AKAP3: variants seen among roughly 807,000 people sequenced by gnomAD.
AKAP3 encodes A-kinase anchoring protein 3, also known as A-kinase anchor protein 3.
Under a neutral mutation model 57.2 loss-of-function variants are expected in AKAP3, and 27 were observed. The ratio of observed to expected loss-of-function variants is 0.47; its 90% CI spans 0.35 to 0.65. The LOEUF is 0.65. Among genes scored for constraint, AKAP3 ranks in the 30% least tolerant of loss-of-function variants. AKAP3 has a pLI of 0.01. For missense variants in AKAP3, 959 were observed against 1,040.0 expected, an observed-to-expected ratio of 0.92 and a Z score of 1.07; for synonymous variants, 334 against 392.3, an observed-to-expected ratio of 0.85 and a Z score of 1.76.
intron 4 of AKAP3, chr12:4,631,258 T>C (rs189896234): frequency 4.4e-6 from 3 of 688,508 alleles, no homozygotes; most frequent in East Asian, 5.4e-5. Flanking sequence ...TATAGAGTTA[T>C]ATTCTCTGCT....
intron 4 of AKAP3, among the ~76,000 whole-genome samples, chr12:4,629,584 C>T (rs184415403): frequency 1.7e-4 from 26 of 152,216 alleles, no homozygotes; most frequent in African/African-American, 5.3e-4. Context: ...CCATGACACA[C>T]GTTTACCTAT....
In AKAP3 at chr12:4,628,231, G is replaced by T; in HGVS notation, c.671C>A (p.Thr224Asn). 6.2e-7 allele frequency: 1 copy of T among 1,614,010 alleles called. No individual in the cohort carries two copies. Among genetic ancestry groups the T allele is most frequent in the Non-Finnish European group, 8.5e-7 (1 of 1,179,960 alleles). Residue 224 changes from threonine (T) to asparagine (N), a missense_variant, in exon 5 of 6, where the codon ACC becomes AAC. Physicochemically the swap from Thr to Asn is moderately conservative, Grantham distance 65 (BLOSUM62 0). Transcript: ENST00000228850. ...GTCATCTGGACCCTGTCTTTCTTTG[G>T]TGCTCTCCTTGATCTTCAAAGTGGA... ...YKSTLKIKES[T>N]KERQGPDDKP...
chr12:4,616,673 A>T (rs1484936095), intron 5 of AKAP3, among the ~76,000 whole-genome samples: 8 of 152,236 alleles, frequency 5.3e-5, no homozygotes, highest in Non-Finnish European at 1.2e-4. Flanking sequence ...ATAAAATAAA[A>T]ACCTGTCAGA....
intron 4 of AKAP3, among the ~76,000 whole-genome samples, chr12:4,629,908 G>A (rs921270152): frequency 6.6e-6 from 1 of 152,102 alleles, no homozygotes; most frequent in Non-Finnish European, 1.5e-5. Flanking sequence ...TATAATTCAG[G>A]AGTTAATATG....
chr12:4,642,497 A>T (rs1445252012), intron 2 of AKAP3, among the ~76,000 whole-genome samples: 1 of 152,216 alleles, frequency 6.6e-6, no homozygotes, highest in Non-Finnish European at 1.5e-5. Context: ...AGTTCTACTA[A>T]GACATTTCAG....
intron 4 of AKAP3, 151 bp from the exon 5 acceptor site, chr12:4,628,956 T>A: frequency 1.5e-6 from 1 of 686,274 alleles, no homozygotes; most frequent in Non-Finnish European, 2.3e-6. Context: ...GTACTCACTG[T>A]GTATCAGACA....
intron 5 of AKAP3, among the ~76,000 whole-genome samples, chr12:4,624,951 A>AT (rs1403846475): frequency 9.9e-5 from 15 of 152,148 alleles, no homozygotes; most frequent in Non-Finnish European, 1.5e-5. Context: ...TGTATGTTAT[A>AT]TATGAGGGGT....
At chr12:4,619,799 G>T (rs1945325285) in intron 5 of AKAP3, among the ~76,000 whole-genome samples, 1 of 152,052 alleles carries the variant, frequency 6.6e-6, no homozygotes. Context: ...ACAAAATGTA[G>T]TATATCTACA....
At position 4,628,789 on chromosome 12, in the gene AKAP3, G is replaced by T; in HGVS notation, c.113C>A (p.Pro38His). 6.2e-7 allele frequency: 1 copy of T among 1,605,762 alleles called. No individual in the cohort carries two copies. The highest frequency in any genetic ancestry group is 8.5e-7 in the Non-Finnish European group (1 of 1,173,258). The change falls in exon 5 of 6, where the codon CCT becomes CAT. Residue 38 changes from proline (P) to histidine (H), a missense_variant. By Grantham distance (77) the Pro-to-His change is moderately conservative (BLOSUM62 -2). Transcript: ENST00000228850. ...QDWKMDTSTDPVRVLSWLRRD... is the reference protein window; with the variant it reads ...QDWKMDTSTDHVRVLSWLRRD... ...GCGGAGCCAGCTGAGCACTCTGACA[G>T]GATCCGTGGAGGTGTCCTTAAAAAT...
At chr12:4,620,924 A>G (rs1168777906) in intron 5 of AKAP3, among the ~76,000 whole-genome samples, 1 of 152,160 alleles carries the variant, frequency 6.6e-6, no homozygotes, top group Non-Finnish European at 1.5e-5. Flanking sequence ...ATTAATTGTA[A>G]AACAGCCTCA....
In AKAP3 at chr12:4,615,912, ACAC is replaced by A; in HGVS notation, c.2407-21_2407-19del. 1 of 1,614,032 alleles carries A rather than the reference ACAC, an allele frequency of 6.2e-7. No homozygotes were observed. The highest frequency in any genetic ancestry group is 8.5e-7 in the Non-Finnish European group (1 of 1,179,954). ...TGAAGTAGCTGTGAAAGGAAAGAAA[ACAC>A]CAGTGGTGAGGCACAGCATCTCATG... is the stretch of plus-strand genomic sequence containing the variant. On this transcript the variant is annotated intron_variant, in intron 5 of 5. Transcript: ENST00000228850.
At chr12:4,643,000 C>A (rs1945655668) in intron 2 of AKAP3, among the ~76,000 whole-genome samples, 1 of 152,282 alleles carries the variant, frequency 6.6e-6, no homozygotes, top group South Asian at 2.1e-4. Flanking sequence ...AAGCTTGACT[C>A]CTTTGGGAGA....
chr12:4,617,159 C>G (rs1945295265), intron 5 of AKAP3, among the ~76,000 whole-genome samples: 2 of 152,104 alleles, frequency 1.3e-5, no homozygotes, highest in Admixed American at 1.3e-4. Context: ...CCATAGAGGA[C>G]AGAAGAAAGT....
chr12:4,637,684 A>T (rs2137444844), intron 4 of AKAP3, among the ~76,000 whole-genome samples: 1 of 152,302 alleles, frequency 6.6e-6, no homozygotes, highest in Non-Finnish European at 1.5e-5. Flanking sequence ...TGTTACTTAG[A>T]TGAGAGTTTA....
At position 4,615,578 on chromosome 12, in the gene AKAP3, C is replaced by G; in HGVS notation, c.*161G>C. The G allele has an allele frequency of 2.2e-6, 2 of 903,304 alleles. No homozygotes were observed. The highest frequency in any genetic ancestry group is 3.1e-6 in the Non-Finnish European group (2 of 642,994). The allele number at this position is 903,304 out of a possible 1,614,324, so 56.0% of individuals were successfully genotyped here. ...GCATGGACAGGAAAATCTGCAAAAT[C>G]CAGTGGCTAGCACAAGATGACATGT... On this transcript the variant is annotated 3_prime_UTR_variant, in exon 6 of 6. Coordinates refer to ENST00000228850, the MANE Select transcript of AKAP3 (RefSeq NM_001278309.2).
At chr12:4,638,249 G>T in intron 3 of AKAP3, 53 bp from the exon 4 acceptor site, 1 of 1,268,074 alleles carries the variant, frequency 7.9e-7, no homozygotes, top group Non-Finnish European at 1.1e-6. Context: ...CAGATTTTAT[G>T]AAAGTAAGAA....
At chr12:4,621,275 T>C (rs1392968698) in intron 5 of AKAP3, among the ~76,000 whole-genome samples, 1 of 152,168 alleles carries the variant, frequency 6.6e-6, no homozygotes, top group Admixed American at 6.5e-5. Flanking sequence ...GCTGCTAATT[T>C]ATTATTGAAG....
intron 1 of AKAP3, among the ~76,000 whole-genome samples, chr12:4,646,852 G>T (rs1386338450): frequency 6.6e-6 from 1 of 151,716 alleles, no homozygotes; most frequent in Admixed American, 6.6e-5. Context: ...GCACGATCTC[G>T]GCTCACTGCA....
intron 5 of AKAP3, among the ~76,000 whole-genome samples, chr12:4,622,334 G>A (rs10774249): frequency 0.12 from 18,584 of 152,016 alleles, 1,293 homozygotes; most frequent in South Asian, 0.16. Flanking sequence ...GGCACTCCTA[G>A]GTGAAAAGAA....
Sources: allele counts gnomAD v4.1 joint callset (sites outside exome capture counted in the v4.1 genomes callset), GRCh38; gene constraint gnomAD v4.1.1; transcripts MANE v1.5; gene names NCBI Gene and HGNC (gene_info 2026-07-23, HGNC 2026-07-21).